The following DENND1A variants were observed in gnomAD, a reference collection of about 807,000 sequenced individuals.
DENND1A encodes DENN domain containing 1A.
DENND1A carries 51 observed loss-of-function variants against 113.7 expected under a neutral mutation model. The ratio of observed to expected loss-of-function variants is 0.45; its 90% confidence interval spans 0.36 to 0.57. The LOEUF is 0.57. Ranked by LOEUF, DENND1A falls within the 20% of genes least tolerant of loss-of-function variation. DENND1A has a pLI of 0.00. For missense variants in DENND1A, 1,258 were observed against 1,395.9 expected, an observed-to-expected ratio of 0.90 and a Z score of 1.57; for synonymous variants, 565 against 570.8, an observed-to-expected ratio of 0.99 and a Z score of 0.14.
intron 14 of DENND1A, 116 bp downstream of exon 14, chr9:123,457,677 C>G: frequency 9.7e-7 from 1 of 1,034,936 alleles, no homozygotes; most frequent in Non-Finnish European, 1.4e-6. Flanking sequence ...CCCTGAGCCT[C>G]TTTTGCCTGG....
chr9:123,723,249 TG>T (rs2067466225), intron 5 of DENND1A, among the ~76,000 whole-genome samples: 1 of 152,276 alleles, frequency 6.6e-6, no homozygotes, highest in African/African-American at 2.4e-5. Context: ...ACCCAATTTC[TG>T]TACCCCCAGT....
At chr9:123,706,736 C>A (rs142403197) in intron 5 of DENND1A, among the ~76,000 whole-genome samples, 26,228 of 141,002 alleles carry the variant, frequency 0.19, 2,576 homozygotes, top group African/African-American at 0.28. Context: ...ACGCCACTGC[C>A]CTCCAGTCTG....
intron 5 of DENND1A, among the ~76,000 whole-genome samples, chr9:123,741,179 C>G (rs185093240): frequency 2.6e-5 from 4 of 152,128 alleles, no homozygotes; most frequent in African/African-American, 9.7e-5. Flanking sequence ...TGAAATCATG[C>G]CAAACCTCAG....
intron 1 of DENND1A, among the ~76,000 whole-genome samples, chr9:123,885,587 C>T (rs1440050903): frequency 2.0e-5 from 3 of 152,238 alleles, no homozygotes; most frequent in African/African-American, 4.8e-5. Context: ...TGACAACAGC[C>T]TCAGCTCTTA....
chr9:123,481,229 A>G (rs2050310913), intron 13 of DENND1A, among the ~76,000 whole-genome samples: 1 of 152,252 alleles, frequency 6.6e-6, no homozygotes, highest in Non-Finnish European at 1.5e-5. Flanking sequence ...CCGACTCAGG[A>G]AGAAAAATTA....
rs958534174 is a variant in DENND1A, at chr9:123,810,180, C to T, written c.89-17550G>A. ...GGTAATTCTATCTTAAAAGATCTCTCCTCCTCAATTTGCATTTCCTCCATC... is the reference window on the plus strand; with the variant it reads ...GGTAATTCTATCTTAAAAGATCTCTTCTCCTCAATTTGCATTTCCTCCATC... On this transcript the variant is annotated intron_variant, in intron 2 of 23. Transcript: ENST00000394215. Among the ~76,000 whole-genome samples the T allele has an allele frequency of 4.6e-5, 7 of 152,122 alleles. No homozygotes were observed. The South Asian group carries it at 1.5e-3, about 32-fold the overall frequency.
At chr9:123,393,423 C>A (rs945049407) in intron 21 of DENND1A, among the ~76,000 whole-genome samples, 5 of 152,186 alleles carry the variant, frequency 3.3e-5, no homozygotes, top group Admixed American at 2.6e-4. Context: ...AGAGATTCCA[C>A]AGCAAAGGAA....
At chr9:123,919,883 GAA>G (rs56784407) in intron 1 of DENND1A, among the ~76,000 whole-genome samples, 1 of 55,404 alleles carries the variant, frequency 1.8e-5, no homozygotes, top group Admixed American at 2.2e-4. Flanking sequence ...CTCTGTCTCA[GAA>G]AAAAAAAAAA....
intron 1 of DENND1A, among the ~76,000 whole-genome samples, chr9:123,925,749 G>C (rs1030308093): frequency 5.9e-5 from 9 of 152,196 alleles, no homozygotes; most frequent in African/African-American, 2.2e-4. Context: ...TAACCTCACA[G>C]AGGTCACAGT....
chr9:123,626,706 C>A (rs1337472592), intron 10 of DENND1A, among the ~76,000 whole-genome samples: 2 of 152,088 alleles, frequency 1.3e-5, no homozygotes, highest in African/African-American at 4.8e-5. Flanking sequence ...TGAGAAGAAA[C>A]CAAGAGAGTT....
chr9:123,794,088 T>C (rs1400180637), intron 2 of DENND1A, among the ~76,000 whole-genome samples: 1 of 152,218 alleles, frequency 6.6e-6, no homozygotes, highest in Non-Finnish European at 1.5e-5. Flanking sequence ...GTTTCTTCAC[T>C]TGACCTGTCT....
intron 2 of DENND1A, among the ~76,000 whole-genome samples, chr9:123,857,781 C>T (rs909694692): frequency 7.2e-5 from 11 of 152,076 alleles, no homozygotes; most frequent in African/African-American, 2.4e-4. Flanking sequence ...TTAAACTGGC[C>T]AGGGGCAGTG....
chr9:123,628,351 C>A (rs1398849194), intron 10 of DENND1A, among the ~76,000 whole-genome samples: 1 of 151,614 alleles, frequency 6.6e-6, no homozygotes, highest in Non-Finnish European at 1.5e-5. Flanking sequence ...AGGGGCTGTG[C>A]TAGAAGCCAG....
chr9:123,430,531 A>G (rs554468360), intron 19 of DENND1A, among the ~76,000 whole-genome samples: 4 of 152,354 alleles, frequency 2.6e-5, no homozygotes, highest in Non-Finnish European at 4.4e-5. Context: ...AGGGACATGG[A>G]TGGAGTTGGA....
intron 5 of DENND1A, among the ~76,000 whole-genome samples, chr9:123,712,202 C>T (rs953806928): frequency 7.2e-5 from 11 of 152,184 alleles, no homozygotes; most frequent in Non-Finnish European, 1.5e-4. Context: ...TCCATATCTA[C>T]TCAAATCTTT....
intron 13 of DENND1A, among the ~76,000 whole-genome samples, chr9:123,478,118 A>G (rs1588725142): frequency 6.6e-6 from 1 of 152,328 alleles, no homozygotes; most frequent in Middle Eastern, 3.4e-3. Flanking sequence ...GTCCCTTCTG[A>G]GATAGGCAAT....
At position 123,414,131 on chromosome 9, in the gene DENND1A, C is replaced by A. The variant is rs1051933768; in HGVS notation, c.1489-2302G>T. 8 of 1,000,730 alleles carry A rather than the reference C, an allele frequency of 8.0e-6. No homozygotes were observed. The African/African-American group carries it at 1.2e-4, about 15-fold the overall frequency. The allele number at this position is 1,000,730 out of a possible 1,614,324, so 62.0% of individuals were successfully genotyped here. On this transcript the variant is annotated intron_variant, in intron 19 of 23. Coordinates refer to ENST00000394215, the MANE Select transcript of DENND1A (RefSeq NM_001352964.2). ...AGGGGTCAGACAGTTTTGGAGAGAA[C>A]CCCAGTTCTCCCATTTACTCCCTGG...
chr9:123,579,252 G>C (rs1394332282), intron 12 of DENND1A, among the ~76,000 whole-genome samples: 1 of 152,136 alleles, frequency 6.6e-6, no homozygotes, highest in Non-Finnish European at 1.5e-5. Flanking sequence ...TTAAGTCTTA[G>C]AGAGCTTAAG....
intron 19 of DENND1A, among the ~76,000 whole-genome samples, chr9:123,432,677 C>T (rs371337547): frequency 8.3e-4 from 127 of 152,350 alleles, no homozygotes; most frequent in African/African-American, 3.0e-3. Context: ...GCAGGGTATA[C>T]CGCCTCATGG....
Sources: allele counts gnomAD v4.1 joint callset (sites outside exome capture counted in the v4.1 genomes callset), GRCh38; gene constraint gnomAD v4.1.1; transcripts MANE v1.5; gene names NCBI Gene and HGNC (gene_info 2026-07-23, HGNC 2026-07-21).